The following ULBP2 variants were observed in gnomAD, a reference collection of about 807,000 sequenced individuals.
ULBP2 encodes the protein UL16-binding protein 2.
A neutral mutation model predicts 23.6 loss-of-function variants in ULBP2; 21 were observed. The observed-to-expected ratio is 0.89, with a 90% CI of 0.63 to 1.28. The LOEUF (loss-of-function observed/expected upper bound fraction) is 1.28, where lower values mean the gene tolerates loss of function less well. Among genes scored for constraint, ULBP2 ranks in the 50% most tolerant of loss-of-function variants. ULBP2 has a pLI of 0.00. For synonymous variants in ULBP2, 82 were observed against 112.8 expected, an observed-to-expected ratio of 0.73 and a Z score of 1.73; for missense variants, 251 against 306.0, an observed-to-expected ratio of 0.82 and a Z score of 1.34.
intron 4 of ULBP2, among the ~76,000 whole-genome samples, chr6:149,948,126 G>C (rs1778971409): frequency 6.6e-6 from 1 of 152,168 alleles, no homozygotes; most frequent in Non-Finnish European, 1.5e-5. Flanking sequence ...TCATCCTCCT[G>C]CACACCCCAG....
chr6:149,947,332 T>G lies in ULBP2; in HGVS notation c.644T>G (p.Met215Arg). ...LEPSAGAPLA[M>R]SSGTTQLRAT... Reference sequence around the variant, plus strand: ...GTTTCCATTTCAGCACCACTCGCCATGTCCTCAGGCACAACCCAACTCAGG... The same window carrying G: ...GTTTCCATTTCAGCACCACTCGCCAGGTCCTCAGGCACAACCCAACTCAGG... Residue 215 changes from methionine (M) to arginine (R), a missense_variant, in exon 4 of 5, where the codon ATG (methionine) becomes AGG (arginine). This residue lies in a region of ULBP2 where 3 missense variants were observed against 47.0 expected (regional missense o/e 0.06). Coordinates refer to ENST00000367351, the MANE Select transcript of ULBP2 (RefSeq NM_025217.4). 1 of 1,539,948 alleles carries G rather than the reference T, an allele frequency of 6.5e-7. No individual in the cohort carries two copies. The highest frequency in any genetic ancestry group is 1.2e-5 in the South Asian group (1 of 82,622).
intron 1 of ULBP2, among the ~76,000 whole-genome samples, chr6:149,943,557 A>G (rs373658951): frequency 6.6e-6 from 1 of 152,038 alleles, no homozygotes; most frequent in Non-Finnish European, 1.5e-5. Flanking sequence ...CAGAAGAACC[A>G]CCTGCGTCTT....
chr6:149,948,465 C>T (rs1437722882), intron 4 of ULBP2, among the ~76,000 whole-genome samples: 2 of 152,100 alleles, frequency 1.3e-5, no homozygotes, highest in Non-Finnish European at 2.9e-5. Context: ...AGGGCGCGGA[C>T]CCATCACTAC....
Position 149,945,504 on chromosome 6 carries a change from T to C in ULBP2, c.281T>C (p.Leu94Pro), listed in dbSNP as rs143300988. Reference protein sequence around the residue: ...TTAWKAQNPVLREVVDILTEQ... With the variant: ...TTAWKAQNPVPREVVDILTEQ... The stretch of plus-strand genomic sequence containing the variant: ...GCCTGGAAAGCACAGAACCCAGTAC[T>C]GAGAGAGGTGGTGGACATACTTACA... The change falls in exon 2 of 5, where the codon CTG becomes CCG. Residue 94 changes from leucine (L) to proline (P), a missense_variant. Physicochemically the swap from Leu to Pro is moderately conservative, Grantham distance 98. This residue lies in a region of ULBP2 where 248 missense variants were observed against 258.9 expected (regional missense o/e 0.96). Coordinates refer to ENST00000367351, the MANE Select transcript of ULBP2 (RefSeq NM_025217.4). The C allele has an allele frequency of 4.6e-5, 75 of 1,613,918 alleles. No individual in the cohort carries two copies. The highest frequency in any genetic ancestry group is 2.8e-4 in the Admixed American group (17 of 60,004).
chr6:149,943,939 T>C (rs535889244), intron 1 of ULBP2, among the ~76,000 whole-genome samples: 2 of 151,962 alleles, frequency 1.3e-5, no homozygotes, highest in African/African-American at 4.9e-5. Flanking sequence ...ATGGATTGTC[T>C]ATGGCTGCTT....
chr6:149,947,041 C>G (rs1355535945), intron 3 of ULBP2, among the ~76,000 whole-genome samples: 2 of 152,062 alleles, frequency 1.3e-5, no homozygotes, highest in Non-Finnish European at 2.9e-5. Flanking sequence ...GAGATCCTCC[C>G]CTCCCCAACT....
intron 1 of ULBP2, among the ~76,000 whole-genome samples, chr6:149,944,995 CCT>C (rs1778912601): frequency 6.6e-6 from 1 of 151,168 alleles, no homozygotes; most frequent in Non-Finnish European, 1.5e-5. Flanking sequence ...GGCCCTTCCT[CCT>C]CTCTTGCTAG....
Position 149,946,546 on chromosome 6 carries a change from A to G in ULBP2, c.524A>G (p.Asp175Gly). 6.2e-7 allele frequency: 1 copy of G among 1,614,184 alleles called. No homozygotes were observed. Among genetic ancestry groups the G allele is most frequent in the Non-Finnish European group, 8.5e-7 (1 of 1,180,028 alleles). Residue 175 changes from aspartate to glycine, a missense_variant, in exon 3 of 5, where the codon GAC becomes GGC. This residue lies in a region of ULBP2 where 248 missense variants were observed against 258.9 expected (regional missense o/e 0.96). Coordinates refer to ENST00000367351, the MANE Select transcript of ULBP2 (RefSeq NM_025217.4). ...AAGATGAAAGAAAAGTGGGAGAATGACAAGGTTGTGGCCATGTCCTTCCAT... is the reference window on the plus strand; with the variant it reads ...AAGATGAAAGAAAAGTGGGAGAATGGCAAGGTTGTGGCCATGTCCTTCCAT... Reference protein sequence around the residue: ...ARKMKEKWENDKVVAMSFHYF... With the variant: ...ARKMKEKWENGKVVAMSFHYF...
chr6:149,948,158 C>T (rs866076269), intron 4 of ULBP2, among the ~76,000 whole-genome samples: 2 of 152,304 alleles, frequency 1.3e-5, no homozygotes, highest in Admixed American at 1.3e-4. Context: ...ACTGATGGCC[C>T]TGCCTGGAGC....
intron 1 of ULBP2, 125 bp downstream of exon 1, chr6:149,942,282 G>T (rs974672360): frequency 5.9e-6 from 6 of 1,013,094 alleles, no homozygotes; most frequent in East Asian, 5.5e-5. Flanking sequence ...CTGCGCCCCC[G>T]TTCAGTTCCG....
intron 4 of ULBP2, among the ~76,000 whole-genome samples, chr6:149,948,187 G>C (rs531855515): frequency 2.8e-4 from 42 of 152,200 alleles, no homozygotes; most frequent in African/African-American, 9.9e-4. Context: ...CTCAGAGGAA[G>C]GGGGGTCTGA....
chr6:149,947,540 C>T (rs1778962018), intron 4 of ULBP2, 89 bp downstream of exon 4: 1 of 601,912 alleles, frequency 1.7e-6, no homozygotes, highest in East Asian at 2.9e-5. Flanking sequence ...CCCGCCCCTC[C>T]CCGTGGCTGG....
chr6:149,946,844 G>A (rs1468088656), intron 3 of ULBP2, 191 bp downstream of exon 3: 2 of 994,248 alleles, frequency 2.0e-6, no homozygotes, highest in Admixed American at 2.8e-5. Context: ...TCTCCCTCCT[G>A]ACTCCTATTC....
At position 149,949,142 on chromosome 6, in the gene ULBP2, A is replaced by G. The variant is rs59878448; in HGVS notation, c.*442A>G. On this transcript the variant is annotated 3_prime_UTR_variant, in exon 5 of 5. Transcript: ENST00000367351. ...TGTCCTGAAAGAGAATTTTTAAATT[A>G]TTTAATAAGAAAAAATTTATATTAA... 3.9e-3 allele frequency: 605 copies of G among 156,238 alleles called. 3 individuals carry two copies. The highest frequency in any genetic ancestry group is 0.014 in the African/African-American group (582 of 41,580). The allele number at this position is 156,238 out of a possible 1,614,324, so 9.7% of individuals were successfully genotyped here. A position where few individuals can be genotyped will look rare whatever the true frequency, so the allele number is the denominator to read the frequency against.
chr6:149,945,854 T>C (rs1161911898), intron 2 of ULBP2, among the ~76,000 whole-genome samples: 2 of 143,122 alleles, frequency 1.4e-5, no homozygotes, highest in Admixed American at 1.5e-4. Flanking sequence ...GGCAGGAGGA[T>C]CCCTTGAACC....
Position 149,949,033 on chromosome 6 carries a change from C to A in ULBP2, c.*333C>A, listed in dbSNP as rs1778984516. The A allele has an allele frequency of 5.1e-6, 1 of 196,772 alleles. No homozygotes were observed. 12.2% of individuals were successfully genotyped at this position (196,772 alleles called of 1,614,324 possible). A position where few individuals can be genotyped will look rare whatever the true frequency, so the allele number is the denominator to read the frequency against. On this transcript the variant is annotated 3_prime_UTR_variant, in exon 5 of 5. Transcript: ENST00000367351. ...TTTTTGTTTGGAAAATCAAGTACTT[C>A]TTTGAATGATGATCTCTTTCTTGCA...
In ULBP2 at chr6:149,948,743, G is replaced by A. The variant is rs1317853904; in HGVS notation, c.*43G>A. Reference sequence around the variant, plus strand: ...TGAAGGTTAAAGCTGATACCAAAAGGCTCCTGTGAGCACGGTCTTGATCAA... The same window carrying A: ...TGAAGGTTAAAGCTGATACCAAAAGACTCCTGTGAGCACGGTCTTGATCAA... On this transcript the variant is annotated 3_prime_UTR_variant, in exon 5 of 5. Transcript: ENST00000367351. 2.2e-6 allele frequency: 1 copy of A among 456,550 alleles called. No individual in the cohort carries two copies. 28.3% of individuals were successfully genotyped at this position (456,550 alleles called of 1,614,324 possible).
intron 4 of ULBP2, among the ~76,000 whole-genome samples, chr6:149,948,367 A>T (rs547013384): frequency 2.6e-5 from 4 of 152,356 alleles, no homozygotes; most frequent in Admixed American, 2.6e-4. Context: ...CCAAGGGCAC[A>T]GGAATATGGA....
intron 4 of ULBP2, 65 bp from the exon 5 acceptor site, chr6:149,948,658 G>C (rs1446864167): frequency 2.2e-6 from 1 of 456,558 alleles, no homozygotes; most frequent in African/African-American, 2.0e-5. Flanking sequence ...ACTAGGGAAA[G>C]ATTACCCTGG....
Sources: gnomAD v4.1 joint callset for allele counts (sites outside exome capture counted in the v4.1 genomes callset) on GRCh38, gnomAD v4.1.1 for gene constraint, gnomAD v4.1.1 regional missense constraint, MANE v1.5 for transcripts, NCBI Gene and HGNC (gene_info 2026-07-23, HGNC 2026-07-21) for gene names.